The following GCC2 variants were observed in gnomAD, a reference collection of about 807,000 sequenced individuals.
GCC2 encodes the protein GRIP and coiled-coil domain containing 2.
In GCC2, 120 loss-of-function variants were observed where a neutral mutation model predicts 210.6. The ratio of observed to expected loss-of-function variants is 0.57; its 90% CI spans 0.49 to 0.66. GCC2 has a LOEUF of 0.66. Ranked by LOEUF, GCC2 falls within the 30% of genes least tolerant of loss-of-function variation. GCC2 has a pLI of 0.00. For missense variants in GCC2, 1,868 were observed against 1,871.9 expected (o/e 1.00, Z 0.04); for synonymous variants, 703 against 652.7 (o/e 1.08, Z -1.17).
At chr2:108,493,900 G>T in intron 19 of GCC2, 2 of 985,416 alleles carry the variant, frequency 2.0e-6, no homozygotes, top group African/African-American at 1.7e-5. Context: ...TTCAAAAAGG[G>T]CAGTCAGGAC....
chr2:108,472,887 G>T lies in GCC2; in HGVS notation c.2848G>T (p.Glu950Ter). ...TCCTCTGTCTTCAGTAAAAGAGTTG[G>T]AAGAAAAAATAGGTAACTATGGTTT... is the stretch of plus-strand genomic sequence containing the variant. Reference protein sequence around the residue: ...NDPLSSVKELEEKIENLEKEC... With the variant: ...NDPLSSVKEL Residue 950 changes from glutamate (E) to a stop codon, truncating the protein, a stop_gained, in exon 7 of 23, where the codon GAA (glutamate) becomes TAA (stop). Coordinates refer to ENST00000309863, the MANE Select transcript of GCC2 (RefSeq NM_181453.4). LOFTEE classifies it high-confidence loss of function. 1 of 1,575,196 alleles carries T rather than the reference G, an allele frequency of 6.3e-7. No homozygotes were observed. Among genetic ancestry groups the T allele is most frequent in the South Asian group, 1.2e-5 (1 of 86,666 alleles).
In GCC2 at chr2:108,498,183, C is replaced by CTTTT. The variant is rs3084885; in HGVS notation, c.4782+1101_4782+1104dup. 5.8e-3 allele frequency among the ~76,000 whole-genome samples: 334 copies of CTTTT among 57,494 alleles called. 69 individuals carry two copies. The highest frequency in any genetic ancestry group is 0.018 in the African/African-American group (244 of 13,654). 37.7% of individuals were successfully genotyped at this position (57,494 alleles called of 152,430 possible). A position where few individuals can be genotyped will look rare whatever the true frequency, so the allele number is the denominator to read the frequency against. ...ATGACTTATTTAAATGTTATATTTTCTTTTTTTTTTTTTTTTTTTTTTTTT... is the reference window on the plus strand; with the variant it reads ...ATGACTTATTTAAATGTTATATTTTCTTTTTTTTTTTTTTTTTTTTTTTTTTTTT... On this transcript the variant is annotated intron_variant, in intron 21 of 22. Transcript: ENST00000309863.
intron 22 of GCC2, among the ~76,000 whole-genome samples, chr2:108,500,393 G>C (rs904169436): frequency 1.3e-5 from 2 of 152,110 alleles, no homozygotes; most frequent in African/African-American, 2.4e-5. Context: ...TGCGCCTATA[G>C]TCCCAGCTAC....
chr2:108,509,169 G>A lies in GCC2; in HGVS notation c.*1539G>A, dbSNP rs1683360705. On this transcript the variant is annotated 3_prime_UTR_variant, in exon 23 of 23. Coordinates refer to ENST00000309863, the MANE Select transcript of GCC2 (RefSeq NM_181453.4). ...TATGAGTATGCCAGCTGCATACGAT[G>A]TAACTAATCATATTTAAATATATTT... is the stretch of plus-strand genomic sequence containing the variant. 1 of 152,594 alleles carries A rather than the reference G, an allele frequency of 6.6e-6. No individual in the cohort carries two copies. The highest frequency in any genetic ancestry group is 2.4e-5 in the African/African-American group (1 of 41,444). The allele number at this position is 152,594 out of a possible 1,614,324, so 9.5% of individuals were successfully genotyped here.
In GCC2 at chr2:108,492,680, A is replaced by G. The variant is rs1682464685; in HGVS notation, c.4337A>G (p.Gln1446Arg). The G allele has an allele frequency of 6.2e-7, 1 of 1,613,908 alleles. No individual in the cohort carries two copies. The highest frequency in any genetic ancestry group is 8.5e-7 in the Non-Finnish European group (1 of 1,179,746). The change falls in exon 19 of 23, where the codon CAA becomes CGA. Residue 1446 changes from glutamine (Q) to arginine (R), a missense_variant. Around this residue, in one of 3 missense-constraint regions of GCC2, gnomAD observed 1,847 missense variants for 1,765.2 expected, o/e 1.05. Transcript: ENST00000309863. ...GTCCTTCGAAATAGCTTCCGAGATC[A>G]AGTGCGACATTTGCAGGAAGAACAC... ...NEVLRNSFRDQVRHLQEEHRK... is the reference protein window; with the variant it reads ...NEVLRNSFRDRVRHLQEEHRK...
In GCC2 at chr2:108,469,803, A is replaced by G. The variant is rs903042861; in HGVS notation, c.474A>G (p.Glu158=). ...DKANLQKQLE[E]AMNTQLELSE... Reference sequence around the variant, plus strand: ...CTAACTTACAAAAGCAGCTGGAAGAAGCAATGAATACGCAATTAGAACTTT... The same window carrying G: ...CTAACTTACAAAAGCAGCTGGAAGAGGCAATGAATACGCAATTAGAACTTT... The change falls in exon 6 of 23, where the codon GAA becomes GAG. Residue 158 remains glutamate (E), a synonymous_variant. Coordinates refer to ENST00000309863, the MANE Select transcript of GCC2 (RefSeq NM_181453.4). The G allele has an allele frequency of 1.2e-6, 2 of 1,613,838 alleles. No homozygotes were observed. The highest frequency in any genetic ancestry group is 1.1e-5 in the South Asian group (1 of 91,074).
At chr2:108,467,482 T>A (rs1162200444) in intron 4 of GCC2, among the ~76,000 whole-genome samples, 1 of 152,098 alleles carries the variant, frequency 6.6e-6, no homozygotes, top group Non-Finnish European at 1.5e-5. Context: ...TCATGTCTTA[T>A]TTTTTTATTT....
At chr2:108,476,906 G>A (rs1036856286) in intron 9 of GCC2, among the ~76,000 whole-genome samples, 22 of 151,992 alleles carry the variant, frequency 1.4e-4, no homozygotes, top group African/African-American at 3.6e-4. Flanking sequence ...GTAATCAGGC[G>A]GGATTTGATG....
intron 2 of GCC2, 55 bp downstream of exon 2, chr2:108,449,744 G>A: frequency 5.6e-6 from 8 of 1,425,440 alleles, no homozygotes; most frequent in Non-Finnish European, 7.9e-6. Flanking sequence ...GTGATGAATT[G>A]GAAAACTTTG....
At chr2:108,459,136 A>G (rs1680424266) in intron 4 of GCC2, among the ~76,000 whole-genome samples, 1 of 152,158 alleles carries the variant, frequency 6.6e-6, no homozygotes, top group African/African-American at 2.4e-5. Context: ...TTGTGATACA[A>G]AAGCACTGCT....
intron 9 of GCC2, among the ~76,000 whole-genome samples, chr2:108,476,179 G>A (rs1681514315): frequency 6.7e-6 from 1 of 149,844 alleles, no homozygotes; most frequent in Middle Eastern, 3.4e-3. Context: ...CCTGCCACAG[G>A]CTCCCGAGTA....
At chr2:108,487,324 T>A (rs79639230) in intron 16 of GCC2, among the ~76,000 whole-genome samples, 5,255 of 152,236 alleles carry the variant, frequency 0.035, 322 homozygotes, top group African/African-American at 0.12. Context: ...GAAACAGATC[T>A]CTTATCAGAA....
intron 17 of GCC2, among the ~76,000 whole-genome samples, chr2:108,489,303 G>A (rs566239284): frequency 6.6e-6 from 1 of 152,326 alleles, no homozygotes; most frequent in South Asian, 2.1e-4. Flanking sequence ...ATCACCTGAG[G>A]TCAGGAGATC....
chr2:108,469,760 A>G lies in GCC2; in HGVS notation c.431A>G (p.Lys144Arg). ...LKNELMAVRS[K>R]YSEDKANLQK... Reference sequence around the variant, plus strand: ...AATGAGTTGATGGCAGTACGTTCCAAATACAGTGAAGACAAAGCTAACTTA... The same window carrying G: ...AATGAGTTGATGGCAGTACGTTCCAGATACAGTGAAGACAAAGCTAACTTA... Residue 144 changes from lysine (K) to arginine (R), a missense_variant, in exon 6 of 23, where the codon AAA becomes AGA. This residue lies in a region of GCC2 where 1,847 missense variants were observed against 1,765.2 expected (regional missense o/e 1.05). Coordinates refer to ENST00000309863, the MANE Select transcript of GCC2 (RefSeq NM_181453.4). 6.2e-7 allele frequency: 1 copy of G among 1,613,854 alleles called. No individual in the cohort carries two copies. Among genetic ancestry groups the G allele is most frequent in the African/African-American group, 1.3e-5 (1 of 75,050 alleles).
intron 4 of GCC2, among the ~76,000 whole-genome samples, chr2:108,452,691 CTTTTTTT>C (rs34444254): frequency 1.0e-5 from 1 of 99,438 alleles, no homozygotes; most frequent in Non-Finnish European, 1.9e-5. Context: ...TTTTTTCTTT[CTTTTTTT>C]TTTTTTTTTT....
Position 108,509,212 on chromosome 2 carries a change from T to G in GCC2, c.*1582T>G, listed in dbSNP as rs753983574. 9 of 152,786 alleles carry G rather than the reference T, an allele frequency of 5.9e-5. No homozygotes were observed. Among genetic ancestry groups the G allele is most frequent in the East Asian group, 1.9e-4 (1 of 5,190 alleles). The allele number at this position is 152,786 out of a possible 1,614,324, so 9.5% of individuals were successfully genotyped here. On this transcript the variant is annotated 3_prime_UTR_variant, in exon 23 of 23. Coordinates refer to ENST00000309863, the MANE Select transcript of GCC2 (RefSeq NM_181453.4). Reference sequence around the variant, plus strand: ...ATATATTTCACTTTCTCTTTGACTTTAGACCTTTTGAAGTCTGTATAAACT... The same window carrying G: ...ATATATTTCACTTTCTCTTTGACTTGAGACCTTTTGAAGTCTGTATAAACT...
chr2:108,453,998 T>G (rs369576478), intron 4 of GCC2, among the ~76,000 whole-genome samples: 1 of 152,042 alleles, frequency 6.6e-6, no homozygotes, highest in Non-Finnish European at 1.5e-5. Flanking sequence ...TTTTATTTAT[T>G]TATTTATTTT....
intron 12 of GCC2, 57 bp downstream of exon 12, chr2:108,483,223 T>A (rs1172584016): frequency 8.2e-6 from 7 of 848,984 alleles, no homozygotes; most frequent in Admixed American, 2.1e-5. Flanking sequence ...TCTGTTTTGT[T>A]GTTCTGTTTG....
In GCC2 at chr2:108,470,383, A is replaced by C; in HGVS notation, c.1054A>C (p.Lys352Gln). 2 of 1,606,222 alleles carry C rather than the reference A, an allele frequency of 1.2e-6. No individual in the cohort carries two copies. The highest frequency in any genetic ancestry group is 1.7e-6 in the Non-Finnish European group (2 of 1,174,826). ...KELESQHSIL[K>Q]DEVTYMNNLK... ...ACTTGAATCTCAACACAGTATCTTAAAAGATGAGGTAACTTATATGAATAA... is the reference window on the plus strand; with the variant it reads ...ACTTGAATCTCAACACAGTATCTTACAAGATGAGGTAACTTATATGAATAA... Residue 352 changes from lysine to glutamine, a missense_variant, in exon 6 of 23, where the codon AAA becomes CAA. Transcript: ENST00000309863.
Sources: gnomAD v4.1 joint callset for allele counts (sites outside exome capture counted in the v4.1 genomes callset) on GRCh38, gnomAD v4.1.1 for gene constraint, gnomAD v4.1.1 regional missense constraint, MANE v1.5 for transcripts, NCBI Gene and HGNC (gene_info 2026-07-23, HGNC 2026-07-21) for gene names.